The following SNTG1 variants were observed in gnomAD, a reference collection of about 807,000 sequenced individuals.
SNTG1 encodes syntrophin gamma 1.
SNTG1 carries 39 observed loss-of-function variants against 74.7 expected under a neutral mutation model. The ratio of observed to expected loss-of-function variants is 0.52; its 90% CI spans 0.40 to 0.68. The LOEUF (loss-of-function observed/expected upper bound fraction) is 0.68, where lower values mean the gene tolerates loss of function less well. Ranked by LOEUF, SNTG1 falls within the 30% of genes least tolerant of loss-of-function variation. SNTG1 has a pLI of 0.00. For missense variants in SNTG1, 685 were observed against 609.5 expected, an observed-to-expected ratio of 1.12 and a Z score of -1.30; for synonymous variants, 254 against 217.1, an observed-to-expected ratio of 1.17 and a Z score of -1.49.
At chr8:50,268,073 C>T (rs6991040) in intron 2 of SNTG1, among the ~76,000 whole-genome samples, 40 of 152,202 alleles carry the variant, frequency 2.6e-4, no homozygotes, top group East Asian at 1.7e-3. Context: ...GGTTACATGA[C>T]GCAAGACCCA....
intron 1 of SNTG1, among the ~76,000 whole-genome samples, chr8:50,000,027 G>T (rs1814602267): frequency 6.6e-6 from 1 of 152,094 alleles, no homozygotes; most frequent in South Asian, 2.1e-4. Flanking sequence ...TTCACTACAA[G>T]AGAAATAAAT....
intron 8 of SNTG1, among the ~76,000 whole-genome samples, chr8:50,499,623 G>A (rs2093933863): frequency 6.6e-6 from 1 of 151,370 alleles, no homozygotes; most frequent in African/African-American, 2.4e-5. Context: ...AGGTCGTTAA[G>A]GCCTTTAGTC....
intron 11 of SNTG1, among the ~76,000 whole-genome samples, chr8:50,548,576 G>A (rs2094404261): frequency 6.6e-6 from 1 of 152,098 alleles, no homozygotes; most frequent in Admixed American, 6.6e-5. Flanking sequence ...CTAATGCTAT[G>A]AGAGGTATAA....
At chr8:49,983,999 G>A (rs932227321) in intron 1 of SNTG1, among the ~76,000 whole-genome samples, 2 of 152,000 alleles carry the variant, frequency 1.3e-5, no homozygotes, top group African/African-American at 4.8e-5. Flanking sequence ...CTCTTCTATA[G>A]CCACTGTATT....
chr8:50,462,639 CTTTG>C (rs2093574008), intron 8 of SNTG1, among the ~76,000 whole-genome samples: 1 of 152,002 alleles, frequency 6.6e-6, no homozygotes, highest in Non-Finnish European at 1.5e-5. Context: ...ATTCTAAATT[CTTTG>C]TTGTCATTTC....
chr8:50,035,799 C>T (rs536191321), intron 1 of SNTG1, among the ~76,000 whole-genome samples: 96 of 152,162 alleles, frequency 6.3e-4, no homozygotes, highest in Non-Finnish European at 1.2e-3. Flanking sequence ...GGGACTGGAC[C>T]GGAACACACA....
chr8:49,919,693 A>C (rs1806359576), intron 1 of SNTG1, among the ~76,000 whole-genome samples: 3 of 152,250 alleles, frequency 2.0e-5, no homozygotes, highest in Admixed American at 1.3e-4. Flanking sequence ...GGATTAAAAA[A>C]TCATTGGGGA....
chr8:50,772,389 A>G lies in SNTG1; in HGVS notation c.1395+20278A>G, dbSNP rs142529924. On this transcript the variant is annotated intron_variant, in intron 18 of 18. Coordinates refer to ENST00000642720, the MANE Select transcript of SNTG1 (RefSeq NM_018967.5). Reference sequence around the variant, plus strand: ...GTTTTGGACTTATGTAGGGCCTGTCATTTATTTCTTTTTGTCTAGTTTTCC... The same window carrying G: ...GTTTTGGACTTATGTAGGGCCTGTCGTTTATTTCTTTTTGTCTAGTTTTCC... 3.7e-3 allele frequency among the ~76,000 whole-genome samples: 563 copies of G among 152,218 alleles called. 4 individuals carry two copies. The highest frequency in any genetic ancestry group is 0.013 in the African/African-American group (521 of 41,544).
chr8:50,067,043 G>A (rs1053491573), intron 1 of SNTG1, among the ~76,000 whole-genome samples: 1 of 150,872 alleles, frequency 6.6e-6, no homozygotes, highest in East Asian at 1.9e-4. Context: ...CTTTTTTTTT[G>A]AAAGACATAT....
intron 2 of SNTG1, among the ~76,000 whole-genome samples, chr8:50,358,820 A>G (rs17771833): frequency 0.052 from 7,921 of 152,272 alleles, 241 homozygotes; most frequent in Middle Eastern, 0.12. Flanking sequence ...TTAAGGCTTG[A>G]TGAACTATTC....
intron 12 of SNTG1, among the ~76,000 whole-genome samples, chr8:50,582,616 T>A (rs942663010): frequency 6.6e-6 from 1 of 152,160 alleles, no homozygotes; most frequent in Non-Finnish European, 1.5e-5. Context: ...TACTGCAATT[T>A]TTCTTTTAGC....
intron 5 of SNTG1, among the ~76,000 whole-genome samples, chr8:50,439,865 C>T (rs867840957): frequency 5.9e-5 from 9 of 151,510 alleles, no homozygotes; most frequent in Non-Finnish European, 1.0e-4. Flanking sequence ...GAACCAGGCA[C>T]TAACTCTATT....
chr8:49,982,603 C>CAAAAAAAA (rs33971834), intron 1 of SNTG1, among the ~76,000 whole-genome samples: 1 of 126,336 alleles, frequency 7.9e-6, no homozygotes, highest in African/African-American at 3.0e-5. Context: ...GAGGCTGAAG[C>CAAAAAAAA]AAAAAAAAAA....
intron 13 of SNTG1, among the ~76,000 whole-genome samples, chr8:50,648,816 C>G (rs2095126630): frequency 6.6e-6 from 1 of 152,140 alleles, no homozygotes; most frequent in Non-Finnish European, 1.5e-5. Context: ...GCTGCCTGCT[C>G]CCTACTTAGT....
intron 2 of SNTG1, among the ~76,000 whole-genome samples, chr8:50,186,375 A>G (rs1346715838): frequency 6.6e-6 from 1 of 152,102 alleles, no homozygotes; most frequent in Non-Finnish European, 1.5e-5. Flanking sequence ...CAATAATGGG[A>G]TTTCCTATGG....
chr8:50,321,417 T>C (rs2090524726), intron 2 of SNTG1, among the ~76,000 whole-genome samples: 1 of 152,184 alleles, frequency 6.6e-6, no homozygotes. Context: ...TCAGTCTATG[T>C]GTGTCTTTAT....
chr8:49,937,828 GTTTTC>G (rs1808223331), intron 1 of SNTG1, among the ~76,000 whole-genome samples: 1 of 152,166 alleles, frequency 6.6e-6, no homozygotes, highest in South Asian at 2.1e-4. Context: ...GAGGCAGACA[GTTTTC>G]TTTTCTTTCT....
chr8:50,761,668 TA>T (rs2095599390), intron 18 of SNTG1, among the ~76,000 whole-genome samples: 1 of 151,946 alleles, frequency 6.6e-6, no homozygotes, highest in Non-Finnish European at 1.5e-5. Flanking sequence ...CACATAATTT[TA>T]AAACTTGTGT....
At chr8:50,332,898 C>T (rs533902966) in intron 2 of SNTG1, among the ~76,000 whole-genome samples, 30 of 152,266 alleles carry the variant, frequency 2.0e-4, no homozygotes, top group African/African-American at 7.0e-4. Context: ...AGTACAATTA[C>T]TTTGTTCTCA....
Sources: gnomAD v4.1 joint callset for allele counts (sites outside exome capture counted in the v4.1 genomes callset) on GRCh38, gnomAD v4.1.1 for gene constraint, MANE v1.5 for transcripts, NCBI Gene and HGNC (gene_info 2026-07-23, HGNC 2026-07-21) for gene names.